Variants in PSPC1 observed in about 807,000 individuals in gnomAD.
PSPC1 encodes paraspeckle component 1.
A neutral mutation model predicts 51.6 loss-of-function variants in PSPC1; 14 were observed. That is an observed-to-expected ratio of 0.27 (90% CI 0.18 to 0.42). PSPC1 has a LOEUF of 0.42. Among genes scored for constraint, PSPC1 ranks in the 10% least tolerant of loss-of-function variants. The pLI is 1.00. For missense variants in PSPC1, 406 were observed against 701.1 expected, an observed-to-expected ratio of 0.58 and a Z score of 4.75; for synonymous variants, 193 against 231.9, an observed-to-expected ratio of 0.83 and a Z score of 1.53.
intron 2 of PSPC1, among the ~76,000 whole-genome samples, chr13:19,760,367 A>C (rs1887500720): frequency 6.6e-6 from 1 of 152,038 alleles, no homozygotes; most frequent in African/African-American, 2.4e-5. Flanking sequence ...GTTTCTACTA[A>C]AACTACAAAA....
At chr13:19,714,356 T>C (rs917257245) in intron 6 of PSPC1, among the ~76,000 whole-genome samples, 5 of 152,210 alleles carry the variant, frequency 3.3e-5, no homozygotes, top group Admixed American at 3.3e-4. Context: ...TTTTTAATTT[T>C]GTAAAATAAA....
In PSPC1 at chr13:19,726,787, A is replaced by G. The variant is rs147558024; in HGVS notation, c.1158+3452T>C. Among the ~76,000 whole-genome samples the G allele has an allele frequency of 5.9e-5, 9 of 152,324 alleles. No homozygotes were observed. In the East Asian group the frequency reaches 1.7e-3, roughly 29 times the overall value. On this transcript the variant is annotated intron_variant, in intron 6 of 8. Transcript: ENST00000338910. Reference sequence around the variant, plus strand: ...AGCACTACACTGCTAGCCTCTGCCAACATTCCCTTAATCATTCTGGCCTCA... The same window carrying G: ...AGCACTACACTGCTAGCCTCTGCCAGCATTCCCTTAATCATTCTGGCCTCA...
At chr13:19,742,170 A>T (rs1200749849) in intron 4 of PSPC1, among the ~76,000 whole-genome samples, 1 of 142,238 alleles carries the variant, frequency 7.0e-6, no homozygotes, top group Non-Finnish European at 1.5e-5. Flanking sequence ...CACGTAATAA[A>T]CTCATCTTGG....
intron 4 of PSPC1, among the ~76,000 whole-genome samples, chr13:19,747,212 T>C (rs181797879): frequency 5.4e-4 from 83 of 152,306 alleles, no homozygotes; most frequent in African/African-American, 1.8e-3. Context: ...GAAATTGTTA[T>C]CGAAAGAGGA....
chr13:19,675,714 T>C (rs761068216), intron 7 of PSPC1: 1 of 152,202 alleles, frequency 6.6e-6, no homozygotes, highest in Non-Finnish European at 1.5e-5. Flanking sequence ...TATATTTTTC[T>C]AAAGAAACAA....
intron 6 of PSPC1, among the ~76,000 whole-genome samples, chr13:19,691,908 A>G (rs1448885085): frequency 1.3e-5 from 2 of 152,012 alleles, no homozygotes; most frequent in African/African-American, 4.8e-5. Flanking sequence ...ACAGAGCGAG[A>G]CCCCATCTCA....
intron 6 of PSPC1, among the ~76,000 whole-genome samples, chr13:19,729,869 C>CA (rs1883834579): frequency 6.6e-6 from 1 of 152,120 alleles, no homozygotes; most frequent in Non-Finnish European, 1.5e-5. Context: ...TAAGTGTTCA[C>CA]TACAATTCTT....
At position 19,782,156 on chromosome 13, in the gene PSPC1, G is replaced by A. The variant is rs555887825; in HGVS notation, c.372+230C>T. On this transcript the variant is annotated intron_variant, in intron 1 of 8. Transcript: ENST00000338910. The surrounding 1 kb of genome is among the most constrained non-coding windows in gnomAD (Gnocchi z 4.5). ...CGCAAAGCACGATCGGCGCACGGCAGAAAACGGCGGCCACTGTGAGCGCAG... is the reference window on the plus strand; with the variant it reads ...CGCAAAGCACGATCGGCGCACGGCAAAAAACGGCGGCCACTGTGAGCGCAG... 9.8e-4 allele frequency among the ~76,000 whole-genome samples: 149 copies of A among 152,348 alleles called. 2 individuals carry two copies. Among genetic ancestry groups the A allele is most frequent in the Non-Finnish European group, 6.9e-4 (47 of 68,030 alleles).
At chr13:19,746,496 G>C (rs1468989738) in intron 4 of PSPC1, among the ~76,000 whole-genome samples, 1 of 152,124 alleles carries the variant, frequency 6.6e-6, no homozygotes, top group Non-Finnish European at 1.5e-5. Flanking sequence ...AGGCTGAGGC[G>C]GGCAGATCAC....
intron 6 of PSPC1, among the ~76,000 whole-genome samples, chr13:19,685,673 G>A (rs2137611476): frequency 6.6e-6 from 1 of 152,290 alleles, no homozygotes; most frequent in African/African-American, 2.4e-5. Context: ...CAGGCAATGA[G>A]CAGATTCTCC....
rs148138955 is a variant in PSPC1 at position 19,757,723 on chromosome 13, G to A, written c.770+1600C>T. On this transcript the variant is annotated intron_variant, in intron 3 of 8. Coordinates refer to ENST00000338910, the MANE Select transcript of PSPC1 (RefSeq NM_001354909.2). Reference sequence around the variant, plus strand: ...TGTAACAGGGCCTTTGAGCCCCTATGCTCAGGCCCACACTGCAGAGTGTAC... The same window carrying A: ...TGTAACAGGGCCTTTGAGCCCCTATACTCAGGCCCACACTGCAGAGTGTAC... Among the ~76,000 whole-genome samples the A allele has an allele frequency of 8.8e-3, 1,340 of 152,312 alleles. 8 individuals carry two copies. The highest frequency in any genetic ancestry group is 0.012 in the Non-Finnish European group (793 of 68,036).
At chr13:19,677,804 C>A (rs772106952) in exon 7 of PSPC1, 1 of 491,514 alleles carries the variant, frequency 2.0e-6, no homozygotes, top group East Asian at 5.6e-5. Flanking sequence ...GTAACTTCAG[C>A]CACATTTTCT....
intron 6 of PSPC1, among the ~76,000 whole-genome samples, chr13:19,718,252 CTCTT>C (rs1882361589): frequency 3.3e-5 from 5 of 152,120 alleles, no homozygotes; most frequent in Admixed American, 3.3e-4. Flanking sequence ...ATAAGACAAT[CTCTT>C]TATATATATA....
rs992165073 is a variant in PSPC1, at chr13:19,730,791, C to T, written c.1053-447G>A. Among the ~76,000 whole-genome samples the T allele has an allele frequency of 2.0e-5, 3 of 151,682 alleles. 1 individual carries two copies. Among genetic ancestry groups the T allele is most frequent in the Admixed American group, 2.0e-4 (3 of 15,174 alleles). On this transcript the variant is annotated intron_variant, in intron 5 of 8. Transcript: ENST00000338910. The stretch of plus-strand genomic sequence containing the variant: ...TGGCCAACATGGTGAAACCCTATCT[C>T]TACTAAAAATACAAAAATTAGCCAG...
intron 3 of PSPC1, among the ~76,000 whole-genome samples, chr13:19,752,298 G>A (rs964306129): frequency 2.0e-5 from 3 of 152,032 alleles, no homozygotes; most frequent in Admixed American, 1.3e-4. Context: ...GTTAAATGCT[G>A]TACCACCACC....
chr13:19,769,078 T>G (rs1403301802), intron 2 of PSPC1, among the ~76,000 whole-genome samples: 14 of 150,442 alleles, frequency 9.3e-5, no homozygotes, highest in East Asian at 2.0e-4. Context: ...AGGCAGAGGT[T>G]GTAGCAGCCG....
rs148526449 is a variant in PSPC1, at chr13:19,713,634, T to C, written c.1159-4035A>G. Reference sequence around the variant, plus strand: ...TATCTTTGCGGTATTTATAAGATTGTATGCCTTTCCATGGAAAGAATTATA... The same window carrying C: ...TATCTTTGCGGTATTTATAAGATTGCATGCCTTTCCATGGAAAGAATTATA... On this transcript the variant is annotated intron_variant, in intron 6 of 8. Coordinates refer to ENST00000338910, the MANE Select transcript of PSPC1 (RefSeq NM_001354909.2). Among the ~76,000 whole-genome samples the C allele has an allele frequency of 5.1e-3, 771 of 152,110 alleles. 4 individuals are homozygous for C. The highest frequency in any genetic ancestry group is 7.9e-3 in the Non-Finnish European group (539 of 67,996).
chr13:19,775,702 A>G (rs1040597962), intron 1 of PSPC1, among the ~76,000 whole-genome samples: 1 of 152,206 alleles, frequency 6.6e-6, no homozygotes, highest in African/African-American at 2.4e-5. Context: ...TTTCTTACCT[A>G]ATACATCATA....
At chr13:19,680,174 C>CTTA (rs1877110959) in intron 6 of PSPC1, among the ~76,000 whole-genome samples, 1 of 152,042 alleles carries the variant, frequency 6.6e-6, no homozygotes, top group Non-Finnish European at 1.5e-5. Context: ...ACTACCGCGC[C>CTTA]CAGCTAATTT....
Sources: gnomAD v4.1 joint callset for allele counts (sites outside exome capture counted in the v4.1 genomes callset) on GRCh38, gnomAD v4.1.1 for gene constraint, Gnocchi (gnomAD v3.1) non-coding constraint, MANE v1.5 for transcripts, NCBI Gene and HGNC (gene_info 2026-07-23, HGNC 2026-07-21) for gene names.